DPH6: variants seen among roughly 807,000 people sequenced by gnomAD.
DPH6 encodes the protein diphthine--ammonia ligase.
DPH6 carries 33 observed loss-of-function variants against 38.2 expected under a neutral mutation model. The observed-to-expected ratio is 0.86, with a 90% CI of 0.65 to 1.15. The LOEUF (loss-of-function observed/expected upper bound fraction) is 1.15. Ranked by LOEUF, DPH6 falls within the 50% of genes most tolerant of loss-of-function variation. DPH6 has a pLI of 0.00. For synonymous variants in DPH6, 108 were observed against 103.0 expected, an observed-to-expected ratio of 1.05 and a Z score of -0.30; for missense variants, 325 against 320.0, an observed-to-expected ratio of 1.02 and a Z score of -0.12.
At chr15:35,544,116 G>T (rs941179193) in intron 1 of DPH6, among the ~76,000 whole-genome samples, 10 of 152,174 alleles carry the variant, frequency 6.6e-5, no homozygotes, top group Admixed American at 1.3e-4. Flanking sequence ...ACACATGTAT[G>T]TTAGGTGAGA....
Position 35,356,357 on chromosome 15 carries a change from C to T in DPH6, n.207+17164G>A, listed in dbSNP as rs560915661. ...GCATTCCTTTGAAGGAGGAGAGGTGCTTTGATTTTTAGAGTTTCCAGTTTT... is the reference window on the plus strand; with the variant it reads ...GCATTCCTTTGAAGGAGGAGAGGTGTTTTGATTTTTAGAGTTTCCAGTTTT... On this transcript the variant is annotated intron_variant and non_coding_transcript_variant, in intron 3 of 3. Transcript: ENST00000558973. Among the ~76,000 whole-genome samples, 8 of 152,292 alleles carry T rather than the reference C, an allele frequency of 5.3e-5. No homozygotes were observed. The East Asian group carries it at 1.3e-3, about 26-fold the overall frequency.
intron 3 of DPH6, among the ~76,000 whole-genome samples, chr15:35,333,363 T>C (rs1479356086): frequency 6.6e-6 from 1 of 151,838 alleles, no homozygotes; most frequent in African/African-American, 2.4e-5. Context: ...TACGAATTGC[T>C]CAAAGAAAAG....
chr15:35,274,376 A>G (rs926431109), intron 3 of DPH6, among the ~76,000 whole-genome samples: 2 of 152,204 alleles, frequency 1.3e-5, no homozygotes, highest in African/African-American at 4.8e-5. Context: ...AATTGCAACA[A>G]AAACCAAAAT....
chr15:35,414,135 T>C (rs1437202569), intron 5 of DPH6, among the ~76,000 whole-genome samples: 3 of 151,728 alleles, frequency 2.0e-5, no homozygotes, highest in Admixed American at 6.6e-5. Context: ...ATGTTTATGC[T>C]CACTATTGTT....
intron 3 of DPH6, among the ~76,000 whole-genome samples, chr15:35,232,230 G>A (rs946220894): frequency 6.6e-6 from 1 of 152,168 alleles, no homozygotes; most frequent in Non-Finnish European, 1.5e-5. Flanking sequence ...AGACAGCCTT[G>A]TCTACCTTGG....
intron 3 of DPH6, among the ~76,000 whole-genome samples, chr15:35,524,451 C>T (rs1381213028): frequency 1.3e-5 from 2 of 152,088 alleles, no homozygotes; most frequent in Admixed American, 6.6e-5. Flanking sequence ...CCTTCCCCTC[C>T]GCCTCATTGT....
chr15:35,254,018 T>C (rs546659353), intron 3 of DPH6, among the ~76,000 whole-genome samples: 1 of 152,178 alleles, frequency 6.6e-6, no homozygotes, highest in Admixed American at 6.5e-5. Context: ...TTGATTTGAA[T>C]ATCAAAGGGA....
chr15:35,355,828 C>A (rs573229727), intron 3 of DPH6, among the ~76,000 whole-genome samples: 1 of 152,240 alleles, frequency 6.6e-6, no homozygotes, highest in African/African-American at 2.4e-5. Context: ...TGAATGTTGG[C>A]CTGCCTTGCT....
chr15:35,278,321 T>C (rs936304487), intron 3 of DPH6, among the ~76,000 whole-genome samples: 34 of 152,354 alleles, frequency 2.2e-4, no homozygotes, highest in Admixed American at 3.9e-4. Flanking sequence ...GCCGTAATCC[T>C]TGGCAGCTTT....
chr15:35,179,265 A>C, the DPH6 span, among the ~76,000 whole-genome samples: 1 of 151,786 alleles, frequency 6.6e-6, no homozygotes, highest in Non-Finnish European at 1.5e-5. Context: ...CTGGAGGACA[A>C]TTTACATCAA....
At chr15:35,531,665 G>C (rs963403033) in intron 3 of DPH6, among the ~76,000 whole-genome samples, 1 of 152,078 alleles carries the variant, frequency 6.6e-6, no homozygotes, top group African/African-American at 2.4e-5. Context: ...TACAGACGAG[G>C]TTTCAATATG....
At chr15:35,182,058 T>C in the DPH6 span, among the ~76,000 whole-genome samples, 1 of 152,040 alleles carries the variant, frequency 6.6e-6, no homozygotes, top group Non-Finnish European at 1.5e-5. Context: ...ATAGTTGTAT[T>C]GGTTTTGTAG....
chr15:35,475,284 T>C (rs756412812), intron 3 of DPH6, among the ~76,000 whole-genome samples: 1 of 152,036 alleles, frequency 6.6e-6, no homozygotes, highest in Non-Finnish European at 1.5e-5. Flanking sequence ...TCTAGTTTAA[T>C]AGTCACATAT....
chr15:35,351,797 C>G (rs1486838880), intron 3 of DPH6, among the ~76,000 whole-genome samples: 3 of 151,116 alleles, frequency 2.0e-5, no homozygotes, highest in Non-Finnish European at 2.9e-5. Context: ...TTATGGCTCA[C>G]TGCAGCACTG....
At chr15:35,484,311 A>G (rs546622198) in intron 3 of DPH6, among the ~76,000 whole-genome samples, 9 of 152,352 alleles carry the variant, frequency 5.9e-5, no homozygotes, top group Non-Finnish European at 1.2e-4. Context: ...AGCTTAAAAC[A>G]AATACTTATT....
intron 3 of DPH6, among the ~76,000 whole-genome samples, chr15:35,333,130 C>A (rs2052340415): frequency 6.7e-6 from 1 of 149,126 alleles, no homozygotes; most frequent in African/African-American, 2.5e-5. Flanking sequence ...AAGTTAAGTG[C>A]AATTTAAATT....
At chr15:35,477,158 G>GA (rs1308855958) in intron 3 of DPH6, among the ~76,000 whole-genome samples, 1 of 151,550 alleles carries the variant, frequency 6.6e-6, no homozygotes, top group African/African-American at 2.4e-5. Context: ...AAAGTGGAGG[G>GA]AAAAAACCCT....
intron 6 of DPH6, among the ~76,000 whole-genome samples, chr15:35,400,188 T>C (rs937819582): frequency 1.2e-4 from 18 of 152,078 alleles, no homozygotes; most frequent in African/African-American, 4.1e-4. Flanking sequence ...GACTACTAAA[T>C]AAATGAAACA....
At chr15:35,458,648 G>C (rs1314260816) in intron 3 of DPH6, among the ~76,000 whole-genome samples, 1 of 152,160 alleles carries the variant, frequency 6.6e-6, no homozygotes, top group Non-Finnish European at 1.5e-5. Flanking sequence ...TACCATAAAA[G>C]ATGTACTGAG....
Sources: allele counts gnomAD v4.1 joint callset (sites outside exome capture counted in the v4.1 genomes callset), GRCh38; gene constraint gnomAD v4.1.1; transcripts MANE v1.5; gene names NCBI Gene and HGNC (gene_info 2026-07-23, HGNC 2026-07-21).